The following CSMD3 variants were observed in gnomAD, a reference collection of about 807,000 sequenced individuals.
CSMD3 encodes CUB and Sushi multiple domains 3.
A neutral mutation model predicts 435.2 loss-of-function variants in CSMD3; 177 were observed. The ratio of observed to expected loss-of-function variants is 0.41; its 90% CI spans 0.36 to 0.46. CSMD3 has a LOEUF of 0.46. Ranked by LOEUF, CSMD3 falls within the 20% of genes least tolerant of loss-of-function variation. CSMD3 has a pLI of 0.34. For synonymous variants in CSMD3, 1,656 were observed against 1,520.5 expected, an observed-to-expected ratio of 1.09 and a Z score of -2.07; for missense variants, 4,265 against 4,504.6, an observed-to-expected ratio of 0.95 and a Z score of 1.52.
chr8:112,888,924 G>A (rs923513730), intron 10 of CSMD3, among the ~76,000 whole-genome samples: 10 of 151,608 alleles, frequency 6.6e-5, no homozygotes, highest in African/African-American at 1.7e-4. Context: ...CTTATGGAGT[G>A]TACAAGAGAC....
chr8:112,289,589 C>A, intron 56 of CSMD3, 51 bp from the exon 57 acceptor site: 2 of 1,152,078 alleles, frequency 1.7e-6, no homozygotes, highest in East Asian at 2.6e-5. Flanking sequence ...TCCTATCGAA[C>A]AACCTATACC....
intron 22 of CSMD3, among the ~76,000 whole-genome samples, chr8:112,621,128 G>T (rs1391005909): frequency 6.6e-6 from 1 of 152,022 alleles, no homozygotes; most frequent in Non-Finnish European, 1.5e-5. Flanking sequence ...CCAGGTACTC[G>T]GGAGACTGAG....
At chr8:112,235,398 AC>A (rs1277334050) in intron 67 of CSMD3, among the ~76,000 whole-genome samples, 3 of 152,072 alleles carry the variant, frequency 2.0e-5, no homozygotes, top group Admixed American at 2.0e-4. Flanking sequence ...AAAACAAAAA[AC>A]AAAAAACAAA....
At chr8:112,743,513 G>A (rs951858005) in intron 13 of CSMD3, among the ~76,000 whole-genome samples, 2 of 151,724 alleles carry the variant, frequency 1.3e-5, no homozygotes, top group African/African-American at 2.4e-5. Context: ...CTCAGCCATC[G>A]GGATGGATAT....
At chr8:112,362,637 C>A (rs775563162) in intron 38 of CSMD3, among the ~76,000 whole-genome samples, 1 of 151,926 alleles carries the variant, frequency 6.6e-6, no homozygotes. Context: ...ACATAAGCAA[C>A]CATGCTCTAA....
intron 4 of CSMD3, among the ~76,000 whole-genome samples, chr8:113,108,362 A>T (rs1339561595): frequency 1.3e-5 from 2 of 150,100 alleles, no homozygotes; most frequent in Admixed American, 6.7e-5. Flanking sequence ...CGGGAGGTGG[A>T]GGTTGCAATG....
At chr8:112,289,913 A>T (rs539885880) in intron 56 of CSMD3, among the ~76,000 whole-genome samples, 1 of 152,232 alleles carries the variant, frequency 6.6e-6, no homozygotes, top group Non-Finnish European at 1.5e-5. Context: ...TAAGGAGAAG[A>T]TTAATGTGGA....
At chr8:112,428,515 A>G (rs1350577164) in intron 32 of CSMD3, among the ~76,000 whole-genome samples, 2 of 152,212 alleles carry the variant, frequency 1.3e-5, no homozygotes, top group Non-Finnish European at 2.9e-5. Flanking sequence ...ATATTTATTG[A>G]GAACTGATAA....
chr8:113,339,214 C>T (rs986472890), intron 1 of CSMD3, among the ~76,000 whole-genome samples: 3 of 151,768 alleles, frequency 2.0e-5, no homozygotes, highest in African/African-American at 7.3e-5. Context: ...TCTCTTCCTC[C>T]GCCTCATAGT....
intron 4 of CSMD3, among the ~76,000 whole-genome samples, chr8:113,142,125 A>C (rs1409469062): frequency 1.3e-5 from 2 of 151,180 alleles, no homozygotes; most frequent in South Asian, 4.1e-4. Flanking sequence ...AATCATAAAT[A>C]ACTAAGTAAA....
chr8:112,796,577 G>C (rs952458877), intron 13 of CSMD3, among the ~76,000 whole-genome samples: 2 of 151,966 alleles, frequency 1.3e-5, no homozygotes, highest in Non-Finnish European at 2.9e-5. Flanking sequence ...TATCCAAAAA[G>C]TAGCTCAATG....
chr8:112,979,603 C>T (rs1183444580), intron 6 of CSMD3, among the ~76,000 whole-genome samples: 2 of 151,210 alleles, frequency 1.3e-5, no homozygotes, highest in Non-Finnish European at 3.0e-5. Context: ...CATAGCTATC[C>T]AATGTTAAAA....
intron 5 of CSMD3, among the ~76,000 whole-genome samples, chr8:113,054,242 C>T (rs568842335): frequency 6.6e-6 from 1 of 152,214 alleles, no homozygotes; most frequent in African/African-American, 2.4e-5. Flanking sequence ...TTATTCACAA[C>T]AAAATTGTTG....
intron 10 of CSMD3, among the ~76,000 whole-genome samples, chr8:112,917,991 C>T (rs561587022): frequency 2.6e-5 from 4 of 152,030 alleles, no homozygotes; most frequent in Admixed American, 6.6e-5. Flanking sequence ...TCCAACTCAA[C>T]GGCCATTTCC....
intron 1 of CSMD3, among the ~76,000 whole-genome samples, chr8:113,328,811 C>T (rs574188327): frequency 7.9e-6 from 1 of 127,000 alleles, no homozygotes; most frequent in South Asian, 2.7e-4. Context: ...GTGATAACGA[C>T]TCATGGCAGC....
chr8:112,386,714 G>A (rs1336826535), intron 36 of CSMD3, among the ~76,000 whole-genome samples: 2 of 151,928 alleles, frequency 1.3e-5, no homozygotes, highest in Non-Finnish European at 2.9e-5. Flanking sequence ...AGCCAGGATG[G>A]TCGCTATCTC....
At chr8:112,259,343 GAA>G (rs2130330602) in intron 61 of CSMD3, among the ~76,000 whole-genome samples, 1 of 152,242 alleles carries the variant, frequency 6.6e-6, no homozygotes, top group African/African-American at 2.4e-5. Flanking sequence ...CACAAGAACA[GAA>G]AACCAAACAC....
intron 30 of CSMD3, among the ~76,000 whole-genome samples, chr8:112,496,818 G>C (rs1054864352): frequency 3.3e-5 from 5 of 151,948 alleles, no homozygotes; most frequent in Admixed American, 1.3e-4. Flanking sequence ...GAGGTGTTGG[G>C]GGGAAAGTGG....
chr8:113,429,978 G>T (rs2094661053), intron 1 of CSMD3, among the ~76,000 whole-genome samples: 1 of 152,158 alleles, frequency 6.6e-6, no homozygotes, highest in South Asian at 2.1e-4. Context: ...CCTATTAAAA[G>T]AAATCAATAT....
Sources: allele counts gnomAD v4.1 joint callset (sites outside exome capture counted in the v4.1 genomes callset), GRCh38; gene constraint gnomAD v4.1.1; transcripts MANE v1.5; gene names NCBI Gene and HGNC (gene_info 2026-07-23, HGNC 2026-07-21).